Variants in PNKD observed in about 807,000 individuals in gnomAD.
PNKD encodes the protein probable thioesterase PNKD.
PNKD carries 36 observed loss-of-function variants against 45.3 expected under a neutral mutation model. That is an observed-to-expected ratio of 0.80 (90% confidence interval 0.61 to 1.05). PNKD has a LOEUF of 1.05. Ranked by LOEUF, PNKD falls within the 50% of genes least tolerant of loss-of-function variation. The probability of loss-of-function intolerance (pLI) is 0.00; values close to 1 mark genes in which losing one functional copy is unlikely to be tolerated. For synonymous variants in PNKD, 197 were observed against 210.1 expected (o/e 0.94, Z 0.54); for missense variants, 511 against 506.6 (o/e 1.01, Z -0.08).
chr2:218,326,928 CA>C lies in PNKD; in HGVS notation c.237-12854del, dbSNP rs1181148315. 2 of 152,422 alleles carry C rather than the reference CA, an allele frequency of 1.3e-5. No homozygotes were observed. Among genetic ancestry groups the C allele is most frequent in the Non-Finnish European group, 2.9e-5 (2 of 68,214 alleles). 9.4% of individuals were successfully genotyped at this position (152,422 alleles called of 1,614,324 possible). On this transcript the variant is annotated intron_variant, in intron 2 of 9. Coordinates refer to ENST00000273077, the MANE Select transcript of PNKD (RefSeq NM_015488.5). This position sits in a 1 kb window ranked among gnomAD's most constrained non-coding sequence, Gnocchi z 4.1. ...CAGGCCGTGGCAAGCTCCCCAGAAG[CA>C]GCACAATATGCCTGGGGAGTCAGAT...
intron 2 of PNKD, chr2:218,281,949 T>C: frequency 1.3e-6 from 2 of 1,597,390 alleles, no homozygotes; most frequent in Non-Finnish European, 8.5e-7. Flanking sequence ...CCGTAGTTCA[T>C]GGGCATCGGG....
Position 218,340,112 on chromosome 2 carries a change from G to A in PNKD, c.436G>A (p.Val146Met). ...CACCCAGGCCCAGCTGGCTGTGGCT[G>A]TGGACCCTTCAGACCCTCGGGCTGT... ...IDTQAQLAVA[V>M]DPSDPRAVQA... The change falls in exon 4 of 10, where the codon GTG becomes ATG. Residue 146 changes from valine (V) to methionine (M), a missense_variant. Physicochemically the swap from Val to Met is conservative, Grantham distance 21. Coordinates refer to ENST00000273077, the MANE Select transcript of PNKD (RefSeq NM_015488.5). The surrounding 1 kb of genome is among the most constrained non-coding windows in gnomAD (Gnocchi z 4.2). 3 of 1,613,604 alleles carry A rather than the reference G, an allele frequency of 1.9e-6. No homozygotes were observed. The South Asian group carries it at 3.3e-5, about 18-fold the overall frequency.
chr2:218,281,130 T>TGTTTTTTTTGTTTTG (rs1553658814), intron 2 of PNKD: 5 of 117,356 alleles, frequency 4.3e-5, no homozygotes, highest in East Asian at 2.6e-4. Flanking sequence ...TTGTTTTTTG[T>TGTTTTTTTTGTTTTG]TTTTTTTTTG....
At position 218,326,339 on chromosome 2, in the gene PNKD, G is replaced by A. The variant is rs149588026; in HGVS notation, c.237-13444G>A. On this transcript the variant is annotated intron_variant, in intron 2 of 9. Coordinates refer to ENST00000273077, the MANE Select transcript of PNKD (RefSeq NM_015488.5). This position sits in a 1 kb window ranked among gnomAD's most constrained non-coding sequence, Gnocchi z 4.1. Reference sequence around the variant, plus strand: ...ATAGCTGAGCACAGTGGCCACAGGTGAAACTGGTGAGACACATGCATTTGG... The same window carrying A: ...ATAGCTGAGCACAGTGGCCACAGGTAAAACTGGTGAGACACATGCATTTGG... Among the ~76,000 whole-genome samples, 74 of 152,332 alleles carry A rather than the reference G, an allele frequency of 4.9e-4. No individual in the cohort carries two copies. The highest frequency in any genetic ancestry group is 9.3e-4 in the Non-Finnish European group (63 of 68,018).
intron 2 of PNKD, among the ~76,000 whole-genome samples, chr2:218,335,809 A>G (rs1039249940): frequency 6.6e-6 from 1 of 152,230 alleles, no homozygotes; most frequent in South Asian, 2.1e-4. Context: ...ACAAATTGCC[A>G]TGGAAACCTG....
rs762459309 is a variant in PNKD, at chr2:218,334,738, G to A, written c.237-5045G>A. The A allele has an allele frequency of 8.5e-6, 6 of 702,910 alleles. No homozygotes were observed. The South Asian group carries it at 8.9e-5, about 10-fold the overall frequency. 43.5% of individuals were successfully genotyped at this position (702,910 alleles called of 1,614,324 possible). A position where few individuals can be genotyped will look rare whatever the true frequency, so the allele number is the denominator to read the frequency against. ...CAGTGCATCATACCAAGAGGCAAAT[G>A]ATGTCTATATATTGTTACTGGTGAG... On this transcript the variant is annotated intron_variant, in intron 2 of 9. Coordinates refer to ENST00000273077, the MANE Select transcript of PNKD (RefSeq NM_015488.5).
At chr2:218,344,191 T>G (rs1196581256) in intron 8 of PNKD, among the ~76,000 whole-genome samples, 1 of 152,200 alleles carries the variant, frequency 6.6e-6, no homozygotes, top group East Asian at 1.9e-4. Flanking sequence ...ATGCTAGGCT[T>G]GGTGGAGTCA....
At chr2:218,300,445 G>C (rs1693244532) in intron 2 of PNKD, among the ~76,000 whole-genome samples, 1 of 152,128 alleles carries the variant, frequency 6.6e-6, no homozygotes. Context: ...ATAGGTGACT[G>C]CTTCTCAAAC....
At chr2:218,275,479 T>C (rs550448571) in intron 2 of PNKD, 19 of 1,612,936 alleles carry the variant, frequency 1.2e-5, no homozygotes, top group Admixed American at 1.7e-5. Flanking sequence ...TGCTCCTTAA[T>C]TGCGATCCCC....
chr2:218,284,454 C>T (rs961891053), intron 2 of PNKD, among the ~76,000 whole-genome samples: 1 of 152,362 alleles, frequency 6.6e-6, no homozygotes, highest in Non-Finnish European at 1.5e-5. Flanking sequence ...TGGCAGCCAC[C>T]GGGTGAAAGG....
At chr2:218,302,676 A>G (rs1302503884) in intron 2 of PNKD, among the ~76,000 whole-genome samples, 1 of 152,202 alleles carries the variant, frequency 6.6e-6, no homozygotes, top group Non-Finnish European at 1.5e-5. Context: ...CAGCCTAAAG[A>G]TATCAATGAA....
At chr2:218,324,134 C>G (rs552569240) in intron 2 of PNKD, among the ~76,000 whole-genome samples, 10 of 151,494 alleles carry the variant, frequency 6.6e-5, no homozygotes, top group Middle Eastern at 3.4e-3. Flanking sequence ...CCCCTTCCTT[C>G]CTGGCCCCAG....
At chr2:218,312,667 G>T (rs113659191) in intron 2 of PNKD, among the ~76,000 whole-genome samples, 3 of 151,802 alleles carry the variant, frequency 2.0e-5, no homozygotes, top group Admixed American at 2.0e-4. Context: ...GAGCTCAGAA[G>T]TTCGAGACCA....
At position 218,297,104 on chromosome 2, in the gene PNKD, G is replaced by C. The variant is rs893023318; in HGVS notation, c.236+25555G>C. 3.3e-5 allele frequency among the ~76,000 whole-genome samples: 5 copies of C among 152,208 alleles called. No individual in the cohort carries two copies. In the East Asian group the frequency reaches 9.6e-4, roughly 29 times the overall value. On this transcript the variant is annotated intron_variant, in intron 2 of 9. Transcript: ENST00000273077. ...CTCATTCACCCCTAGGCCTGGGCAC[G>C]GCCCTGACCCAGCATCTGTTGAATT...
chr2:218,306,764 G>A (rs561079730), intron 2 of PNKD, among the ~76,000 whole-genome samples: 1 of 152,254 alleles, frequency 6.6e-6, no homozygotes, highest in African/African-American at 2.4e-5. Context: ...ACAGCCTAAG[G>A]ACCATCACAG....
chr2:218,322,282 G>A (rs1281417564), intron 2 of PNKD, among the ~76,000 whole-genome samples: 1 of 152,162 alleles, frequency 6.6e-6, no homozygotes, highest in Admixed American at 6.5e-5. Context: ...TAGGGCTGGA[G>A]CCAAAACAAG....
chr2:218,331,535 A>G (rs1328766380), intron 2 of PNKD, among the ~76,000 whole-genome samples: 3 of 152,040 alleles, frequency 2.0e-5, no homozygotes, highest in Non-Finnish European at 4.4e-5. Flanking sequence ...CAGTGGCACA[A>G]TCTTGGCTCA....
chr2:218,280,466 A>G (rs959784769), intron 2 of PNKD: 28 of 321,924 alleles, frequency 8.7e-5, no homozygotes, highest in African/African-American at 5.6e-4. Flanking sequence ...CAGCCAGGGC[A>G]GAACAGGGGA....
chr2:218,344,836 C>T lies in PNKD; in HGVS notation c.1013C>T (p.Ser338Phe), dbSNP rs200128452. 1.9e-6 allele frequency: 3 copies of T among 1,613,988 alleles called. No homozygotes were observed. In the African/African-American group the frequency reaches 4.0e-5, roughly 22 times the overall value. Residue 338 changes from serine to phenylalanine, a missense_variant, in exon 10 of 10, where the codon TCC (serine) becomes TTC (phenylalanine). Ser to Phe is a radical substitution (Grantham distance 155). Coordinates refer to ENST00000273077, the MANE Select transcript of PNKD (RefSeq NM_015488.5). The stretch of plus-strand genomic sequence containing the variant: ...CCATCTACCCTGGGAGAGGAGCGCT[C>T]CTACAACCCGTTCCTGAGAACCCAC... ...TCPSTLGEER[S>F]YNPFLRTHCL...
Sources: allele counts gnomAD v4.1 joint callset (sites outside exome capture counted in the v4.1 genomes callset), GRCh38; gene constraint gnomAD v4.1.1; non-coding constraint Gnocchi (gnomAD v3.1); transcripts MANE v1.5; gene names NCBI Gene and HGNC (gene_info 2026-07-23, HGNC 2026-07-21).